The following CAMTA1 variants were observed in gnomAD, a reference collection of about 807,000 sequenced individuals.
CAMTA1 encodes calmodulin binding transcription activator 1, also known as calmodulin-binding transcription activator 1.
In CAMTA1, 27 loss-of-function variants were observed where a neutral mutation model predicts 170.9. The observed-to-expected ratio is 0.16, with a 90% CI of 0.12 to 0.22. The LOEUF (loss-of-function observed/expected upper bound fraction) is 0.22, where lower values mean the gene tolerates loss of function less well. CAMTA1 is among the 10% of genes least tolerant of loss of function. The pLI is 1.00. For missense variants in CAMTA1, 1,619 were observed against 2,217.2 expected, an observed-to-expected ratio of 0.73 and a Z score of 5.42; for synonymous variants, 833 against 891.5, an observed-to-expected ratio of 0.93 and a Z score of 1.17.
intron 6 of CAMTA1, among the ~76,000 whole-genome samples, chr1:7,616,920 A>T (rs1367237101): frequency 6.6e-6 from 1 of 152,222 alleles, no homozygotes; most frequent in Non-Finnish European, 1.5e-5. Flanking sequence ...GGGCTCTATA[A>T]AATAAGGCTG....
chr1:6,793,141 A>C (rs1641615198), intron 1 of CAMTA1, among the ~76,000 whole-genome samples: 1 of 152,098 alleles, frequency 6.6e-6, no homozygotes. Context: ...GAAAAGCAAA[A>C]CCTTGTGAAG....
rs557306485 is a variant in CAMTA1, at chr1:7,410,531, A to G, written c.439-57299A>G. ...ACATCTTCAAAGATTTGATAACCATAGAAACAATAACTCTTTGCAAAAAAG... is the reference window on the plus strand; with the variant it reads ...ACATCTTCAAAGATTTGATAACCATGGAAACAATAACTCTTTGCAAAAAAG... On this transcript the variant is annotated intron_variant, in intron 5 of 22. Transcript: ENST00000303635. Among the ~76,000 whole-genome samples the G allele has an allele frequency of 5.2e-5, 8 of 152,398 alleles. No homozygotes were observed. The South Asian group carries it at 1.7e-3, about 32-fold the overall frequency.
chr1:7,542,134 A>AT, intron 6 of CAMTA1, among the ~76,000 whole-genome samples: 1 of 152,308 alleles, frequency 6.6e-6, no homozygotes, highest in Middle Eastern at 3.4e-3. Context: ...AATTAGAAAA[A>AT]TTAGGCGTAC....
intron 8 of CAMTA1, 98 bp downstream of exon 8, chr1:7,661,964 C>T: frequency 1.5e-6 from 2 of 1,377,438 alleles, no homozygotes; most frequent in Non-Finnish European, 9.9e-7. Context: ...GCCATGACAT[C>T]TAGTGAGGGA....
At chr1:7,671,356 C>T (rs948843558) in intron 10 of CAMTA1, among the ~76,000 whole-genome samples, 3 of 152,204 alleles carry the variant, frequency 2.0e-5, no homozygotes, top group African/African-American at 4.8e-5. Flanking sequence ...CGGCCACCAC[C>T]CTCAGCCCAA....
At chr1:7,074,234 T>C (rs1056935582) in intron 3 of CAMTA1, among the ~76,000 whole-genome samples, 1 of 152,350 alleles carries the variant, frequency 6.6e-6, no homozygotes, top group South Asian at 2.1e-4. Flanking sequence ...TGCTAAGTGG[T>C]GGCTTATCTG....
chr1:7,717,183 T>C (rs1261854246), intron 11 of CAMTA1, among the ~76,000 whole-genome samples: 1 of 152,068 alleles, frequency 6.6e-6, no homozygotes, highest in African/African-American at 2.4e-5. Context: ...GAGGAATCAG[T>C]TCAAGGGGTT....
intron 3 of CAMTA1, among the ~76,000 whole-genome samples, chr1:6,999,671 C>T (rs1047053882): frequency 2.0e-5 from 3 of 152,108 alleles, no homozygotes; most frequent in South Asian, 4.1e-4. Context: ...CGTACCCGGC[C>T]GGGTCTTTTT....
chr1:6,791,840 C>T (rs1408347809), intron 1 of CAMTA1, among the ~76,000 whole-genome samples: 2 of 152,132 alleles, frequency 1.3e-5, no homozygotes, highest in Non-Finnish European at 2.9e-5. Context: ...TTTGTGCCAT[C>T]CCTGGATATA....
intron 1 of CAMTA1, among the ~76,000 whole-genome samples, chr1:6,787,691 T>G (rs537449146): frequency 3.9e-5 from 6 of 152,194 alleles, no homozygotes; most frequent in Non-Finnish European, 7.3e-5. Flanking sequence ...TATTCTTTGG[T>G]TTGTAATGTG....
intron 5 of CAMTA1, among the ~76,000 whole-genome samples, chr1:7,297,061 A>C (rs1674059091): frequency 1.3e-5 from 2 of 152,228 alleles, no homozygotes; most frequent in Non-Finnish European, 2.9e-5. Flanking sequence ...AGAAAGCTAC[A>C]AAACTGTATT....
intron 3 of CAMTA1, among the ~76,000 whole-genome samples, chr1:6,922,215 G>A (rs2149327925): frequency 1.3e-5 from 2 of 152,120 alleles, no homozygotes; most frequent in South Asian, 4.2e-4. Context: ...TGGGTCCCCA[G>A]GCCTCTAGTT....
chr1:7,683,325 TAC>T (rs2096229214), intron 11 of CAMTA1, among the ~76,000 whole-genome samples: 1 of 152,046 alleles, frequency 6.6e-6, no homozygotes, highest in African/African-American at 2.4e-5. Flanking sequence ...CTAAAACCAA[TAC>T]AGTTTGTATT....
rs540200326 is a variant in CAMTA1, at chr1:7,476,857, C to A, written c.510+8956C>A. The stretch of plus-strand genomic sequence containing the variant: ...ACAGTCATCGAAGGCTGCGGGCAAG[C>A]ACTCAGCCTGCCTGTGAGGCCAGCA... On this transcript the variant is annotated intron_variant, in intron 6 of 22. Transcript: ENST00000303635. Among the ~76,000 whole-genome samples, 18 of 152,292 alleles carry A rather than the reference C, an allele frequency of 1.2e-4. No homozygotes were observed. The South Asian group carries it at 3.7e-3, about 32-fold the overall frequency.
intron 5 of CAMTA1, among the ~76,000 whole-genome samples, chr1:7,309,600 G>A (rs1676156312): frequency 6.6e-6 from 1 of 151,960 alleles, no homozygotes; most frequent in African/African-American, 2.4e-5. Flanking sequence ...CGCCCGGCCT[G>A]AAAACTTTTA....
chr1:7,204,830 C>CTTTTTTTTTTTTTTTTTTTTTT (rs367812076), intron 4 of CAMTA1, among the ~76,000 whole-genome samples: 12 of 86,814 alleles, frequency 1.4e-4, no homozygotes, highest in Non-Finnish European at 2.2e-4. Context: ...TTCTTTTTTT[C>CTTTTTTTTTTTTTTTTTTTTTT]TTTTTTTTTT....
intron 6 of CAMTA1, among the ~76,000 whole-genome samples, chr1:7,576,883 A>G (rs1045470955): frequency 1.3e-5 from 2 of 152,160 alleles, no homozygotes; most frequent in African/African-American, 2.4e-5. Context: ...AGGACGGGGG[A>G]TTGGCCATCA....
intron 7 of CAMTA1, among the ~76,000 whole-genome samples, chr1:7,658,957 G>A (rs1347899136): frequency 2.0e-5 from 3 of 152,164 alleles, no homozygotes; most frequent in South Asian, 2.1e-4. Flanking sequence ...TCACATGTTC[G>A]CCGATCACAA....
intron 4 of CAMTA1, among the ~76,000 whole-genome samples, chr1:7,103,012 T>C (rs1346388240): frequency 2.6e-5 from 4 of 152,092 alleles, no homozygotes; most frequent in Non-Finnish European, 5.9e-5. Context: ...TTTATAAGAA[T>C]TGCAACTTTG....
Sources: allele counts gnomAD v4.1 joint callset (sites outside exome capture counted in the v4.1 genomes callset), GRCh38; gene constraint gnomAD v4.1.1; transcripts MANE v1.5; gene names NCBI Gene and HGNC (gene_info 2026-07-23, HGNC 2026-07-21).